The following INPP4B variants were observed in gnomAD, a reference collection of about 807,000 sequenced individuals.
INPP4B encodes the protein inositol polyphosphate 4-phosphatase type II.
In INPP4B, 55 loss-of-function variants were observed where a neutral mutation model predicts 122.5. The ratio of observed to expected loss-of-function variants is 0.45; its 90% CI spans 0.36 to 0.56. INPP4B has a LOEUF of 0.56. Among genes scored for constraint, INPP4B ranks in the 20% least tolerant of loss-of-function variants. INPP4B has a pLI of 0.00. For missense variants in INPP4B, 1,000 were observed against 1,097.7 expected (o/e 0.91, Z 1.26); for synonymous variants, 403 against 388.7 (o/e 1.04, Z -0.43).
Position 142,681,020 on chromosome 4 carries a change from G to T in INPP4B, c.-191+44819C>A, listed in dbSNP as rs193010342. The stretch of plus-strand genomic sequence containing the variant: ...TTCTCTTGAGGAAACCCCTTCTCAG[G>T]AGCCAAGAAGAATAGTTCCGTCAAG... On this transcript the variant is annotated intron_variant, in intron 2 of 25. Transcript: ENST00000262992. Among the ~76,000 whole-genome samples the T allele has an allele frequency of 3.3e-5, 5 of 151,922 alleles. No homozygotes were observed. The East Asian group carries it at 9.7e-4, about 29-fold the overall frequency.
chr4:142,322,559 C>T lies in INPP4B; in HGVS notation c.373-7797G>A, dbSNP rs532321791. On this transcript the variant is annotated intron_variant, in intron 7 of 25. Transcript: ENST00000262992. ...AGAAGTGACAACTACCCAGCTTCAA[C>T]GGATTGAAAAAATTCTGAGAAATAT... 3.9e-5 allele frequency among the ~76,000 whole-genome samples: 6 copies of T among 152,170 alleles called. No individual in the cohort carries two copies. The East Asian group carries it at 5.8e-4, about 15-fold the overall frequency.
intron 2 of INPP4B, among the ~76,000 whole-genome samples, chr4:142,514,894 C>T (rs1014645442): frequency 3.4e-5 from 5 of 147,288 alleles, no homozygotes; most frequent in Non-Finnish European, 5.9e-5. Flanking sequence ...CTCCCAAGTT[C>T]AAGTGATTCT....
At chr4:142,333,010 C>CAAAAAA (rs1158290884) in intron 7 of INPP4B, among the ~76,000 whole-genome samples, 3 of 43,430 alleles carry the variant, frequency 6.9e-5, no homozygotes, top group Admixed American at 2.7e-4. Flanking sequence ...GACTCCGTCT[C>CAAAAAA]AAAAAAAAAA....
chr4:142,320,803 C>T lies in INPP4B; in HGVS notation c.373-6041G>A, dbSNP rs547080470. On this transcript the variant is annotated intron_variant, in intron 7 of 25. Transcript: ENST00000262992. ...GAATAATGGTCTGCACCTCCATCCACGTTGCTGTGAATGCCATTATTTGAT... is the reference window on the plus strand; with the variant it reads ...GAATAATGGTCTGCACCTCCATCCATGTTGCTGTGAATGCCATTATTTGAT... Among the ~76,000 whole-genome samples the T allele has an allele frequency of 3.3e-5, 5 of 152,322 alleles. No individual in the cohort carries two copies. The East Asian group carries it at 7.7e-4, about 23-fold the overall frequency.
intron 11 of INPP4B, among the ~76,000 whole-genome samples, chr4:142,256,889 A>C (rs1369434865): frequency 6.6e-6 from 1 of 152,176 alleles, no homozygotes; most frequent in East Asian, 1.9e-4. Flanking sequence ...AAAGCTGGGC[A>C]GAGACACAAC....
chr4:142,511,520 T>G (rs1250042790), intron 2 of INPP4B, among the ~76,000 whole-genome samples: 1 of 152,122 alleles, frequency 6.6e-6, no homozygotes, highest in African/African-American at 2.4e-5. Flanking sequence ...AGTAAGTATT[T>G]TTTTGGAAAA....
At chr4:142,591,003 T>C (rs1428966277) in intron 2 of INPP4B, among the ~76,000 whole-genome samples, 1 of 150,234 alleles carries the variant, frequency 6.7e-6, no homozygotes, top group Non-Finnish European at 1.5e-5. Context: ...AGAAAAGAAG[T>C]AATCAAAAAA....
chr4:142,586,132 A>G (rs983202061), intron 2 of INPP4B, among the ~76,000 whole-genome samples: 1 of 152,048 alleles, frequency 6.6e-6, no homozygotes, highest in Admixed American at 6.6e-5. Context: ...CAACAAGACA[A>G]AATGCTGTCT....
chr4:142,536,702 G>A (rs1379738039), intron 2 of INPP4B, among the ~76,000 whole-genome samples: 2 of 152,072 alleles, frequency 1.3e-5, no homozygotes, highest in African/African-American at 4.8e-5. Flanking sequence ...TACCCAGAAG[G>A]CTTGAAACTT....
At position 142,305,427 on chromosome 4, in the gene INPP4B, T is replaced by C. The variant is rs1454025228; in HGVS notation, c.503+31A>G. The C allele has an allele frequency of 4.0e-6, 6 of 1,512,864 alleles. No individual in the cohort carries two copies. In the African/African-American group the frequency reaches 6.9e-5, roughly 17 times the overall value. The allele number at this position is 1,512,864 out of a possible 1,614,324, so 93.7% of individuals were successfully genotyped here. A position where few individuals can be genotyped will look rare whatever the true frequency, so the allele number is the denominator to read the frequency against. On this transcript the variant is annotated intron_variant, in intron 9 of 25. Coordinates refer to ENST00000262992, the MANE Select transcript of INPP4B (RefSeq NM_001101669.3). Reference sequence around the variant, plus strand: ...AATAAATATCACTTGTTATTAACTTTAACAGTATTTCTACAAACAAAGAGA... The same window carrying C: ...AATAAATATCACTTGTTATTAACTTCAACAGTATTTCTACAAACAAAGAGA...
At chr4:142,624,121 C>G (rs1291537931) in intron 2 of INPP4B, among the ~76,000 whole-genome samples, 3 of 150,446 alleles carry the variant, frequency 2.0e-5, no homozygotes, top group East Asian at 2.0e-4. Context: ...ATTTCTAGTT[C>G]TAGATCTCTG....
Position 142,617,092 on chromosome 4 carries a change from A to T in INPP4B, c.-191+108747T>A, listed in dbSNP as rs553249064. ...TACTTTTACCTCTAAGATCTAAAAAAATAGAATAAAAATTTAAAAAATAAA... is the reference window on the plus strand; with the variant it reads ...TACTTTTACCTCTAAGATCTAAAAATATAGAATAAAAATTTAAAAAATAAA... On this transcript the variant is annotated intron_variant, in intron 2 of 25. Coordinates refer to ENST00000262992, the MANE Select transcript of INPP4B (RefSeq NM_001101669.3). Among the ~76,000 whole-genome samples, 16 of 152,230 alleles carry T rather than the reference A, an allele frequency of 1.1e-4. No homozygotes were observed. In the South Asian group the frequency reaches 3.3e-3, roughly 32 times the overall value.
chr4:142,384,356 C>A (rs1795218142), intron 7 of INPP4B, among the ~76,000 whole-genome samples: 1 of 152,146 alleles, frequency 6.6e-6, no homozygotes, highest in Admixed American at 6.6e-5. Flanking sequence ...ATTGTGTGAA[C>A]TTTGTAGAGT....
intron 1 of INPP4B, among the ~76,000 whole-genome samples, chr4:142,837,616 TTTG>T (rs915320374): frequency 1.3e-5 from 2 of 152,164 alleles, no homozygotes; most frequent in African/African-American, 4.8e-5. Flanking sequence ...AATTTTAGCT[TTTG>T]TTGTTGTTGT....
intron 23 of INPP4B, 130 bp from the exon 24 acceptor site, chr4:142,086,386 C>T: frequency 1.6e-6 from 1 of 619,164 alleles, no homozygotes; most frequent in Non-Finnish European, 2.8e-6. Context: ...GCTCTGCCTA[C>T]CCAGGCTGGA....
intron 2 of INPP4B, among the ~76,000 whole-genome samples, chr4:142,650,897 G>A (rs569792786): frequency 6.6e-6 from 1 of 152,120 alleles, no homozygotes; most frequent in Admixed American, 6.5e-5. Flanking sequence ...GAACTCTCCA[G>A]CCCAAATCAA....
intron 2 of INPP4B, among the ~76,000 whole-genome samples, chr4:142,530,843 CA>C (rs1427215387): frequency 6.6e-6 from 1 of 151,802 alleles, no homozygotes; most frequent in Non-Finnish European, 1.5e-5. Context: ...GCAAGAAGGC[CA>C]GTGTGGGCTA....
At chr4:142,041,418 G>A (rs1747394824) in intron 25 of INPP4B, among the ~76,000 whole-genome samples, 1 of 152,072 alleles carries the variant, frequency 6.6e-6, no homozygotes, top group Admixed American at 6.6e-5. Context: ...AGGAGTTTGA[G>A]ACCAGCCTGA....
chr4:142,706,054 C>T (rs571951781), intron 2 of INPP4B, among the ~76,000 whole-genome samples: 1 of 152,370 alleles, frequency 6.6e-6, no homozygotes, highest in Non-Finnish European at 1.5e-5. Context: ...CCTCATCCCT[C>T]AACCTTTCCT....
Sources: allele counts gnomAD v4.1 joint callset (sites outside exome capture counted in the v4.1 genomes callset), GRCh38; gene constraint gnomAD v4.1.1; transcripts MANE v1.5; gene names NCBI Gene and HGNC (gene_info 2026-07-23, HGNC 2026-07-21).